Variants in TTC28 observed in about 807,000 individuals in gnomAD.
TTC28 encodes tetratricopeptide repeat domain 28.
TTC28 carries 61 observed loss-of-function variants against 198.0 expected under a neutral mutation model. The ratio of observed to expected loss-of-function variants is 0.31; its 90% confidence interval spans 0.25 to 0.38. The LOEUF (loss-of-function observed/expected upper bound fraction) is 0.38, where lower values mean the gene tolerates loss of function less well. TTC28 is among the 10% of genes least tolerant of loss of function. TTC28 has a pLI of 1.00. For missense variants in TTC28, 2,678 were observed against 3,164.0 expected, an observed-to-expected ratio of 0.85 and a Z score of 3.69; for synonymous variants, 1,171 against 1,297.8, an observed-to-expected ratio of 0.90 and a Z score of 2.10.
intron 2 of TTC28, among the ~76,000 whole-genome samples, chr22:28,414,734 AG>A (rs1177672760): frequency 1.3e-5 from 2 of 152,234 alleles, no homozygotes; most frequent in African/African-American, 4.8e-5. Flanking sequence ...GCAAAAGAAA[AG>A]TGAATACGCA....
At chr22:28,453,819 T>C (rs2047819541) in intron 2 of TTC28, among the ~76,000 whole-genome samples, 2 of 152,212 alleles carry the variant, frequency 1.3e-5, no homozygotes, top group Non-Finnish European at 2.9e-5. Context: ...ATGATCTTTC[T>C]ATAAATTGGG....
chr22:28,609,539 G>A (rs760472991), intron 2 of TTC28, among the ~76,000 whole-genome samples: 11 of 152,282 alleles, frequency 7.2e-5, no homozygotes, highest in Non-Finnish European at 1.3e-4. Context: ...AGTGGACTCC[G>A]GCCCAGATAC....
intron 2 of TTC28, among the ~76,000 whole-genome samples, chr22:28,378,434 T>G (rs141857417): frequency 1.1e-3 from 158 of 149,310 alleles, no homozygotes; most frequent in South Asian, 3.2e-3. Context: ...GCCAAGGTGG[T>G]AGGATCTTTG....
chr22:28,183,083 G>A (rs1014362727), intron 5 of TTC28, among the ~76,000 whole-genome samples: 3 of 149,830 alleles, frequency 2.0e-5, no homozygotes, highest in Non-Finnish European at 4.4e-5. Context: ...TGTAGAGACT[G>A]AGTCTCGCTC....
Position 28,163,430 on chromosome 22 carries a change from C to T in TTC28, c.1103G>A (p.Gly368Asp), listed in dbSNP as rs1474722056. Residue 368 changes from glycine to aspartate, a missense_variant, in exon 6 of 23, where the codon GGT becomes GAT. Physicochemically the swap from Gly to Asp is moderately conservative, Grantham distance 94 (BLOSUM62 -1). Around this residue, in one of 8 missense-constraint regions of TTC28, gnomAD observed 775 missense variants for 845.9 expected, o/e 0.92. Transcript: ENST00000397906. Reference protein sequence around the residue: ...GNMGAVYIAMGDFENAVQCHE... With the variant: ...GNMGAVYIAMDDFENAVQCHE... ...GCACTGCACAGCATTCTCAAAGTCA[C>T]CCATGGCAATATACACAGCTCCCAT... 2 of 1,551,726 alleles carry T rather than the reference C, an allele frequency of 1.3e-6. No individual in the cohort carries two copies. The highest frequency in any genetic ancestry group is 1.4e-5 in the African/African-American group (1 of 73,040).
At chr22:28,074,754 C>T (rs561624243) in intron 12 of TTC28, among the ~76,000 whole-genome samples, 25 of 152,160 alleles carry the variant, frequency 1.6e-4, no homozygotes, top group African/African-American at 5.5e-4. Context: ...TATCCCCCCC[C>T]ATGTACAATG....
intron 1 of TTC28, among the ~76,000 whole-genome samples, chr22:28,660,116 G>A (rs936841302): frequency 6.6e-6 from 1 of 151,712 alleles, no homozygotes; most frequent in Non-Finnish European, 1.5e-5. Flanking sequence ...TTTTTTAACA[G>A]CAAAAAAATA....
intron 1 of TTC28, among the ~76,000 whole-genome samples, chr22:28,631,782 T>G (rs1425971257): frequency 6.6e-6 from 1 of 152,120 alleles, no homozygotes; most frequent in African/African-American, 2.4e-5. Context: ...CGCCTTGGCT[T>G]CCCAAACTGC....
At chr22:28,108,996 T>C (rs2146905783) in intron 6 of TTC28, among the ~76,000 whole-genome samples, 1 of 152,374 alleles carries the variant, frequency 6.6e-6, no homozygotes, top group Middle Eastern at 3.4e-3. Context: ...ACACACCAAC[T>C]GCTGGGGACA....
At chr22:28,470,613 A>G (rs2048085041) in intron 2 of TTC28, among the ~76,000 whole-genome samples, 1 of 152,218 alleles carries the variant, frequency 6.6e-6, no homozygotes, top group African/African-American at 2.4e-5. Flanking sequence ...TTATCCAATA[A>G]TAGAATTCTC....
intron 2 of TTC28, among the ~76,000 whole-genome samples, chr22:28,372,982 A>G (rs531755505): frequency 6.6e-6 from 1 of 152,256 alleles, no homozygotes; most frequent in Admixed American, 6.5e-5. Flanking sequence ...TTCTTCTAAT[A>G]TATAGCAAAG....
chr22:28,361,663 T>G (rs988034980), intron 2 of TTC28, among the ~76,000 whole-genome samples: 1 of 152,180 alleles, frequency 6.6e-6, no homozygotes, highest in African/African-American at 2.4e-5. Context: ...CACCAAGCAA[T>G]AGATTTTCAA....
intron 6 of TTC28, among the ~76,000 whole-genome samples, chr22:28,142,379 A>C (rs1046910372): frequency 6.6e-6 from 1 of 152,220 alleles, no homozygotes; most frequent in Non-Finnish European, 1.5e-5. Flanking sequence ...GATACCCATG[A>C]GCAGAATACT....
intron 12 of TTC28, among the ~76,000 whole-genome samples, chr22:28,066,381 G>A (rs529960824): frequency 5.3e-5 from 8 of 151,820 alleles, no homozygotes; most frequent in African/African-American, 1.4e-4. Context: ...AATTTCAAGC[G>A]TACGATACAG....
intron 2 of TTC28, among the ~76,000 whole-genome samples, chr22:28,520,982 G>A (rs1158545382): frequency 6.6e-6 from 1 of 152,154 alleles, no homozygotes. Flanking sequence ...GAACCTGGCA[G>A]GCGGAGGTTG....
chr22:28,325,708 G>T (rs759326396), intron 2 of TTC28, among the ~76,000 whole-genome samples: 12 of 151,960 alleles, frequency 7.9e-5, no homozygotes, highest in East Asian at 1.9e-4. Context: ...CAACAGAGAG[G>T]ATATTCAGAT....
chr22:28,275,885 G>C (rs539952165), intron 5 of TTC28, among the ~76,000 whole-genome samples: 4 of 152,146 alleles, frequency 2.6e-5, no homozygotes, highest in Non-Finnish European at 5.9e-5. Context: ...CCAAAGGGTG[G>C]CTAGGTAATC....
At chr22:28,529,264 A>G (rs910382347) in intron 2 of TTC28, among the ~76,000 whole-genome samples, 3 of 151,862 alleles carry the variant, frequency 2.0e-5, no homozygotes, top group African/African-American at 7.3e-5. Context: ...ATTATATCCC[A>G]TGCATGACTC....
In TTC28 at chr22:27,998,691, A is replaced by G. The variant is rs563310699; in HGVS notation, c.4968T>C (p.Ser1656=). 272 of 1,550,918 alleles carry G rather than the reference A, an allele frequency of 1.8e-4. No individual in the cohort carries two copies. The highest frequency in any genetic ancestry group is 2.0e-4 in the Non-Finnish European group (234 of 1,147,008). Residue 1656 remains serine, a synonymous_variant, in exon 16 of 23, where the codon TCT becomes TCC. Coordinates refer to ENST00000397906, the MANE Select transcript of TTC28 (RefSeq NM_001145418.2). ...AAGCAGCCACTGGCACAGGCCACAG[A>G]GACACGAGGACACACTGAGCGCCGG... The part of the protein sequence containing the change: ...LAAGAQCVLV[S]LWPVPVAASK...
Sources: allele counts gnomAD v4.1 joint callset (sites outside exome capture counted in the v4.1 genomes callset), GRCh38; gene constraint gnomAD v4.1.1; regional missense constraint gnomAD v4.1.1; transcripts MANE v1.5; gene names NCBI Gene and HGNC (gene_info 2026-07-23, HGNC 2026-07-21).